Variants in KLHL13 observed in about 807,000 individuals in gnomAD.
KLHL13 encodes kelch-like protein 13.
Under a neutral mutation model 37.1 loss-of-function variants are expected in KLHL13, and 10 were observed. The observed-to-expected ratio is 0.27, with a 90% confidence interval of 0.17 to 0.46. The LOEUF is 0.46. Ranked by LOEUF, KLHL13 falls within the 20% of genes least tolerant of loss-of-function variation. KLHL13 has a pLI of 1.00. For synonymous variants in KLHL13, 163 were observed against 181.2 expected (o/e 0.90, Z 0.81); for missense variants, 360 against 509.3 (o/e 0.71, Z 2.82).
intron 2 of KLHL13, among the ~76,000 whole-genome samples, chrX:117,944,532 A>G (rs1933220871): frequency 8.9e-6 from 1 of 111,864 alleles, no homozygotes; most frequent in African/African-American, 3.2e-5. Flanking sequence ...GTCCCTCATT[A>G]TATTATATTC....
intron 1 of KLHL13, among the ~76,000 whole-genome samples, chrX:118,032,047 AGC>A (rs1414098486): frequency 9.0e-6 from 1 of 111,588 alleles, no homozygotes; most frequent in African/African-American, 3.3e-5. Flanking sequence ...CTTAAAAAAC[AGC>A]GCACCAGGAG....
intron 1 of KLHL13, among the ~76,000 whole-genome samples, chrX:118,110,371 C>CTTTTTTT (rs1479012364): frequency 1.9e-4 from 19 of 98,312 alleles, no homozygotes; most frequent in African/African-American, 5.9e-4. Flanking sequence ...TTTTCTATTT[C>CTTTTTTT]TTTTTCTTTT....
intron 1 of KLHL13, among the ~76,000 whole-genome samples, chrX:117,964,056 G>C (rs1254204212): frequency 2.6e-5 from 2 of 77,795 alleles, no homozygotes; most frequent in Non-Finnish European, 4.9e-5. Flanking sequence ...GTCGGGGGAG[G>C]GGGGAGGGAT....
At chrX:117,929,987 A>C (rs1373916399) in intron 2 of KLHL13, among the ~76,000 whole-genome samples, 1 of 107,758 alleles carries the variant, frequency 9.3e-6, no homozygotes, top group Non-Finnish European at 1.9e-5. Context: ...AATTAAAATA[A>C]ATTTTTAGCA....
chrX:117,911,725 G>T (rs1033342358), intron 4 of KLHL13, among the ~76,000 whole-genome samples: 1 of 111,823 alleles, frequency 8.9e-6, no homozygotes, highest in African/African-American at 3.3e-5. Context: ...CAAAGGATAT[G>T]AACTCATCCT....
At chrX:117,972,582 G>C (rs1201281745) in intron 1 of KLHL13, 2 of 448,660 alleles carry the variant, frequency 4.5e-6, no homozygotes, top group African/African-American at 4.9e-5. Context: ...GTGTGGGCAT[G>C]CCAACATCTT....
At chrX:118,108,188 T>A (rs1007300144) in intron 1 of KLHL13, among the ~76,000 whole-genome samples, 7 of 112,220 alleles carry the variant, frequency 6.2e-5, no homozygotes, top group African/African-American at 2.3e-4. Context: ...AAAACTCTTA[T>A]CTCCTTTTAC....
chrX:117,900,515 T>C (rs1307987768), intron 6 of KLHL13, among the ~76,000 whole-genome samples: 1 of 111,862 alleles, frequency 8.9e-6, no homozygotes, highest in Non-Finnish European at 1.9e-5. Context: ...ATAAAATAGA[T>C]AGATGGTGTA....
At chrX:117,900,912 A>C (rs924485945) in intron 6 of KLHL13, among the ~76,000 whole-genome samples, 5 of 112,007 alleles carry the variant, frequency 4.5e-5, no homozygotes, top group African/African-American at 6.5e-5. Flanking sequence ...AAAATGCATT[A>C]AAAAAAGAAA....
intron 1 of KLHL13, among the ~76,000 whole-genome samples, chrX:118,090,632 G>A (rs1447209953): frequency 3.6e-5 from 4 of 110,596 alleles, no homozygotes; most frequent in Admixed American, 1.9e-4. Flanking sequence ...GAAACAACAG[G>A]TGCTGGAGAG....
At chrX:117,985,446 T>TA (rs1569433484) in intron 1 of KLHL13, 36 of 780,560 alleles carry the variant, frequency 4.6e-5, no homozygotes, top group African/African-American at 1.1e-4. Flanking sequence ...CTTTATATAT[T>TA]TAAAAAAAAA....
At chrX:118,007,700 C>G (rs1490408300) in intron 1 of KLHL13, among the ~76,000 whole-genome samples, 1 of 111,210 alleles carries the variant, frequency 9.0e-6, no homozygotes, top group African/African-American at 3.3e-5. Flanking sequence ...CCTTCAGGAT[C>G]ATGCATTTCA....
intron 1 of KLHL13, among the ~76,000 whole-genome samples, chrX:117,953,414 G>A (rs898255921): frequency 1.1e-4 from 12 of 110,474 alleles, no homozygotes; most frequent in Non-Finnish European, 2.1e-4. Context: ...TGGGGTGGGG[G>A]AAGGGGGAAG....
At chrX:118,105,859 T>C (rs2055339938) in intron 1 of KLHL13, among the ~76,000 whole-genome samples, 1 of 106,360 alleles carries the variant, frequency 9.4e-6, no homozygotes, top group Non-Finnish European at 1.9e-5. Flanking sequence ...ATTGAAAGGC[T>C]ACAGATATTA....
intron 1 of KLHL13, among the ~76,000 whole-genome samples, chrX:118,087,040 T>C (rs930683348): frequency 1.8e-5 from 2 of 111,293 alleles, no homozygotes; most frequent in African/African-American, 6.5e-5. Context: ...AATTGGAAAA[T>C]AAAGGATTTC....
intron 1 of KLHL13, among the ~76,000 whole-genome samples, chrX:118,063,036 C>T (rs1315174854): frequency 9.0e-6 from 1 of 111,633 alleles, no homozygotes; most frequent in Non-Finnish European, 1.9e-5. Context: ...AAACTGACTG[C>T]CGGTAGTGCT....
intron 1 of KLHL13, among the ~76,000 whole-genome samples, chrX:118,077,846 A>G (rs2054943137): frequency 9.0e-6 from 1 of 111,689 alleles, no homozygotes; most frequent in African/African-American, 3.2e-5. Flanking sequence ...GGGAACATTT[A>G]TTCTTTGCTA....
At chrX:117,906,361 C>T (rs1220441265) in intron 5 of KLHL13, among the ~76,000 whole-genome samples, 1 of 111,428 alleles carries the variant, frequency 9.0e-6, no homozygotes, top group African/African-American at 3.3e-5. Flanking sequence ...AAGAGAAACA[C>T]GATCATGGAT....
intron 2 of KLHL13, among the ~76,000 whole-genome samples, chrX:117,930,314 C>CAGGAAGGA (rs1366989895): frequency 9.8e-6 from 1 of 102,431 alleles, no homozygotes; most frequent in African/African-American, 3.7e-5. Flanking sequence ...GGCAGGCAGG[C>CAGGAAGGA]AGGCAGGAAG....
Sources: gnomAD v4.1 joint callset for allele counts (sites outside exome capture counted in the v4.1 genomes callset) on GRCh38, gnomAD v4.1.1 for gene constraint, MANE v1.5 for transcripts, NCBI Gene and HGNC (gene_info 2026-07-23, HGNC 2026-07-21) for gene names.